LMO7: variants seen among roughly 807,000 people sequenced by gnomAD.
The protein encoded by LMO7 is LIM domain only protein 7.
Under a neutral mutation model 206.5 loss-of-function variants are expected in LMO7, and 120 were observed. The observed-to-expected ratio is 0.58, with a 90% confidence interval of 0.50 to 0.68. The LOEUF (loss-of-function observed/expected upper bound fraction) is 0.68. Among genes scored for constraint, LMO7 ranks in the 30% least tolerant of loss-of-function variants. LMO7 has a pLI of 0.00. For missense variants in LMO7, 1,959 were observed against 1,957.9 expected (o/e 1.00, Z -0.01); for synonymous variants, 706 against 681.5 (o/e 1.04, Z -0.56).
rs577521510 is a variant in LMO7 at position 75,841,995 on chromosome 13, C to T, written c.4031+12C>T. On this transcript the variant is annotated intron_variant, in intron 24 of 30. Transcript: ENST00000377534. Reference sequence around the variant, plus strand: ...TACCAGTACAGGAGGTATGTCCCCACAGCCAGAGGGTACAAAGGCTTAGCT... The same window carrying T: ...TACCAGTACAGGAGGTATGTCCCCATAGCCAGAGGGTACAAAGGCTTAGCT... The T allele has an allele frequency of 2.5e-6, 4 of 1,590,656 alleles. No homozygotes were observed. The highest frequency in any genetic ancestry group is 3.4e-6 in the Non-Finnish European group (4 of 1,163,984).
chr13:75,670,305 T>G (rs981270840), intron 1 of LMO7, among the ~76,000 whole-genome samples: 1 of 152,220 alleles, frequency 6.6e-6, no homozygotes, highest in African/African-American at 2.4e-5. Flanking sequence ...TCCTATTGCT[T>G]CTTTTATTTT....
At chr13:75,676,527 A>G (rs1365332827) in intron 1 of LMO7, among the ~76,000 whole-genome samples, 1 of 152,182 alleles carries the variant, frequency 6.6e-6, no homozygotes, top group African/African-American at 2.4e-5. Flanking sequence ...AGAATTTGTT[A>G]GGTGTTGATT....
At chr13:75,703,770 A>G (rs1309812197) in intron 1 of LMO7, among the ~76,000 whole-genome samples, 1 of 151,314 alleles carries the variant, frequency 6.6e-6, no homozygotes, top group African/African-American at 2.4e-5. Context: ...AAAGTGCAAA[A>G]CCCATCCTTT....
intron 1 of LMO7, among the ~76,000 whole-genome samples, chr13:75,682,365 A>G (rs967471462): frequency 2.6e-5 from 4 of 152,206 alleles, no homozygotes; most frequent in Non-Finnish European, 4.4e-5. Flanking sequence ...GATTCCCAGG[A>G]GAAGGGCTTG....
Position 75,846,183 on chromosome 13 carries a change from T to G in LMO7, c.4150+804T>G, listed in dbSNP as rs1595497993. On this transcript the variant is annotated intron_variant, in intron 26 of 30. Transcript: ENST00000377534. Reference sequence around the variant, plus strand: ...TTTTTTAAAAAACTAAAATGCCCTGTGAGCAAAACAACCTATCTACAGGCC... The same window carrying G: ...TTTTTTAAAAAACTAAAATGCCCTGGGAGCAAAACAACCTATCTACAGGCC... 2.0e-5 allele frequency among the ~76,000 whole-genome samples: 3 copies of G among 152,320 alleles called. No individual in the cohort carries two copies. In the East Asian group the frequency reaches 5.8e-4, roughly 29 times the overall value.
At chr13:75,803,995 T>C (rs891105984) in intron 7 of LMO7, among the ~76,000 whole-genome samples, 6 of 152,226 alleles carry the variant, frequency 3.9e-5, no homozygotes, top group African/African-American at 1.2e-4. Context: ...ACAAATCTTA[T>C]GGAAAATCAT....
intron 1 of LMO7, among the ~76,000 whole-genome samples, chr13:75,648,571 C>T (rs1162874619): frequency 3.3e-5 from 5 of 152,208 alleles, no homozygotes; most frequent in Non-Finnish European, 5.9e-5. Context: ...CTCCGTCTTA[C>T]TCATTTTCTT....
At chr13:75,681,108 G>T (rs1412853136) in intron 1 of LMO7, among the ~76,000 whole-genome samples, 3 of 151,956 alleles carry the variant, frequency 2.0e-5, no homozygotes, top group Non-Finnish European at 4.4e-5. Context: ...CCATTCTGTA[G>T]GTTGTCTGTT....
intron 1 of LMO7, among the ~76,000 whole-genome samples, chr13:75,669,872 G>A (rs2039398778): frequency 6.6e-6 from 1 of 152,154 alleles, no homozygotes; most frequent in Non-Finnish European, 1.5e-5. Flanking sequence ...ACTGGCAGAG[G>A]TTTCAGGATA....
At chr13:75,642,625 A>ATAAT (rs1306669759) in intron 1 of LMO7, among the ~76,000 whole-genome samples, 1 of 152,040 alleles carries the variant, frequency 6.6e-6, no homozygotes. Context: ...AAATAAATAA[A>ATAAT]TAAATAGAGT....
chr13:75,695,636 CG>C (rs2041843228), intron 1 of LMO7, among the ~76,000 whole-genome samples: 2 of 152,204 alleles, frequency 1.3e-5, no homozygotes, highest in Non-Finnish European at 2.9e-5. Context: ...TGAGCTACCA[CG>C]CCTGGCCTGG....
intron 16 of LMO7, among the ~76,000 whole-genome samples, chr13:75,833,944 A>AT (rs915937214): frequency 6.6e-6 from 1 of 152,068 alleles, no homozygotes; most frequent in Non-Finnish European, 1.5e-5. Flanking sequence ...AGTAACTTAA[A>AT]TTTTTTTGTC....
chr13:75,716,892 CTCT>C (rs2043576170), intron 2 of LMO7, among the ~76,000 whole-genome samples: 1 of 54,184 alleles, frequency 1.8e-5, no homozygotes, highest in Non-Finnish European at 3.4e-5. Flanking sequence ...AATGAAAACA[CTCT>C]TTTTTTTTTT....
Position 75,838,213 on chromosome 13 carries a change from A to G in LMO7, c.3451+17A>G. 1.2e-6 allele frequency: 2 copies of G among 1,600,226 alleles called. No individual in the cohort carries two copies. The highest frequency in any genetic ancestry group is 1.7e-6 in the Non-Finnish European group (2 of 1,167,728). ...TTGAACAAGGTAAACCACAAAGCTAACAATTCATGCACTTTCATGGAATTG... is the reference window on the plus strand; with the variant it reads ...TTGAACAAGGTAAACCACAAAGCTAGCAATTCATGCACTTTCATGGAATTG... On this transcript the variant is annotated intron_variant, in intron 20 of 30. Coordinates refer to ENST00000377534, the MANE Select transcript of LMO7 (RefSeq NM_001306080.2).
chr13:75,737,772 T>A (rs148801901), intron 3 of LMO7, among the ~76,000 whole-genome samples: 217 of 5,568 alleles, frequency 0.039, 4 homozygotes, highest in Admixed American at 0.056. Context: ...AAAAATAAAA[T>A]AAAATAAAAT....
intron 3 of LMO7, among the ~76,000 whole-genome samples, chr13:75,756,744 G>A (rs12100234): frequency 0.044 from 6,709 of 152,242 alleles, 252 homozygotes; most frequent in South Asian, 0.19. Flanking sequence ...CAAGTTGAGA[G>A]GAACTTTACT....
chr13:75,826,053 T>A (rs2058084866), intron 15 of LMO7, among the ~76,000 whole-genome samples: 1 of 152,098 alleles, frequency 6.6e-6, no homozygotes, highest in African/African-American at 2.4e-5. Context: ...AATTAATTGA[T>A]TTTTTTAGAT....
chr13:75,689,564 A>G (rs2041285807), intron 1 of LMO7, among the ~76,000 whole-genome samples: 1 of 152,102 alleles, frequency 6.6e-6, no homozygotes, highest in Non-Finnish European at 1.5e-5. Context: ...GGAGAGACAG[A>G]CCCACCCTCA....
chr13:75,716,738 A>C (rs1594478317), intron 2 of LMO7, among the ~76,000 whole-genome samples: 1 of 152,152 alleles, frequency 6.6e-6, no homozygotes, highest in Non-Finnish European at 1.5e-5. Flanking sequence ...GTATCACTTC[A>C]TCAGTGTCCA....
Sources: gnomAD v4.1 joint callset for allele counts (sites outside exome capture counted in the v4.1 genomes callset) on GRCh38, gnomAD v4.1.1 for gene constraint, MANE v1.5 for transcripts, NCBI Gene and HGNC (gene_info 2026-07-23, HGNC 2026-07-21) for gene names.